PRMT3: variants seen among roughly 807,000 people sequenced by gnomAD.
PRMT3 encodes protein arginine methyltransferase 3.
In PRMT3, 62 loss-of-function variants were observed where a neutral mutation model predicts 71.9. That is an observed-to-expected ratio of 0.86 (90% CI 0.70 to 1.07). The LOEUF is 1.07. PRMT3 is among the 50% of genes least tolerant of loss of function. The pLI is 0.00. For synonymous variants in PRMT3, 213 were observed against 220.4 expected, an observed-to-expected ratio of 0.97 and a Z score of 0.30; for missense variants, 663 against 643.0, an observed-to-expected ratio of 1.03 and a Z score of -0.34.
intron 10 of PRMT3, among the ~76,000 whole-genome samples, chr11:20,448,978 G>T (rs750254256): frequency 6.6e-6 from 1 of 152,062 alleles, no homozygotes; most frequent in Non-Finnish European, 1.5e-5. Flanking sequence ...AGATGAGCGG[G>T]GCATTTGGAC....
At chr11:20,471,571 G>GTGTC (rs2133416783) in intron 13 of PRMT3, among the ~76,000 whole-genome samples, 1 of 152,228 alleles carries the variant, frequency 6.6e-6, no homozygotes, top group South Asian at 2.1e-4. Flanking sequence ...ATTGGTCTAT[G>GTGTC]TGTCTGTCCT....
At chr11:20,411,477 T>C (rs1225332010) in intron 9 of PRMT3, among the ~76,000 whole-genome samples, 2 of 152,132 alleles carry the variant, frequency 1.3e-5, no homozygotes, top group Non-Finnish European at 2.9e-5. Context: ...GATTTCCTGC[T>C]AGCTCCAAAG....
At chr11:20,426,220 A>G (rs1849542118) in intron 9 of PRMT3, among the ~76,000 whole-genome samples, 1 of 152,220 alleles carries the variant, frequency 6.6e-6, no homozygotes, top group Non-Finnish European at 1.5e-5. Flanking sequence ...TAGCTTTCAC[A>G]AGTATTTGAT....
At chr11:20,393,649 C>T (rs1399590629) in intron 5 of PRMT3, 1 of 152,148 alleles carries the variant, frequency 6.6e-6, no homozygotes, top group Non-Finnish European at 1.5e-5. Flanking sequence ...TTGAATTAGA[C>T]TGTTCTAGCA....
chr11:20,406,203 A>T (rs1849066091), intron 8 of PRMT3: 1 of 152,234 alleles, frequency 6.6e-6, no homozygotes, highest in South Asian at 2.1e-4. Context: ...ACTTTAAATC[A>T]TCTCCAGATT....
intron 7 of PRMT3, among the ~76,000 whole-genome samples, chr11:20,399,766 C>T (rs1036343090): frequency 1.3e-5 from 2 of 152,164 alleles, no homozygotes; most frequent in Non-Finnish European, 2.9e-5. Context: ...TTATCCTGGA[C>T]ACTTGTATGT....
At chr11:20,419,036 G>A (rs960579970) in intron 9 of PRMT3, among the ~76,000 whole-genome samples, 5 of 152,118 alleles carry the variant, frequency 3.3e-5, no homozygotes, top group Non-Finnish European at 5.9e-5. Context: ...CATCTGGGGG[G>A]TGTATACTTA....
At chr11:20,436,415 G>A (rs1417948440) in intron 10 of PRMT3, among the ~76,000 whole-genome samples, 1 of 152,164 alleles carries the variant, frequency 6.6e-6, no homozygotes, top group Non-Finnish European at 1.5e-5. Flanking sequence ...TATGTTGTTG[G>A]TTGTGGGTTT....
In PRMT3 at chr11:20,496,966, C is replaced by G. The variant is rs145548232; in HGVS notation, c.1486+2712C>G. Among the ~76,000 whole-genome samples the G allele has an allele frequency of 1.1e-4, 16 of 152,272 alleles. No individual in the cohort carries two copies. In the East Asian group the frequency reaches 3.1e-3, roughly 29 times the overall value. ...CAGCAAAAGTGAAATGAGGCAAACC[C>G]AAATGAGGTCCTTTAAGCCTCATTT... On this transcript the variant is annotated intron_variant, in intron 15 of 15. Transcript: ENST00000331079.
chr11:20,498,969 A>G (rs550131900), intron 15 of PRMT3, among the ~76,000 whole-genome samples: 1 of 152,346 alleles, frequency 6.6e-6, no homozygotes, highest in South Asian at 2.1e-4. Flanking sequence ...ACCAAATGGA[A>G]ACTTGGATCT....
intron 15 of PRMT3, among the ~76,000 whole-genome samples, chr11:20,503,539 T>A (rs1851507563): frequency 6.6e-6 from 1 of 152,160 alleles, no homozygotes; most frequent in South Asian, 2.1e-4. Context: ...ACCAAGACAG[T>A]CACTGATATG....
intron 13 of PRMT3, 75 bp downstream of exon 13, chr11:20,464,621 C>T: frequency 6.4e-7 from 1 of 1,574,516 alleles, no homozygotes; most frequent in Non-Finnish European, 8.6e-7. Context: ...GTTTAATTAC[C>T]AGGCTTGTGA....
chr11:20,407,041 A>T (rs1457259892), intron 8 of PRMT3: 1 of 152,200 alleles, frequency 6.6e-6, no homozygotes, highest in Non-Finnish European at 1.5e-5. Context: ...GCACAATTAT[A>T]AGGTAATTTG....
At chr11:20,394,166 A>G (rs897950461) in intron 5 of PRMT3, among the ~76,000 whole-genome samples, 5 of 152,236 alleles carry the variant, frequency 3.3e-5, no homozygotes, top group Non-Finnish European at 7.3e-5. Context: ...CATTTCTTCC[A>G]GTGCTATCCT....
chr11:20,484,023 A>C (rs1322726148), intron 13 of PRMT3, among the ~76,000 whole-genome samples: 1 of 152,208 alleles, frequency 6.6e-6, no homozygotes, highest in Non-Finnish European at 1.5e-5. Flanking sequence ...GGTTGACCAT[A>C]TCTCTTTATC....
intron 9 of PRMT3, among the ~76,000 whole-genome samples, chr11:20,424,183 CAAAA>C (rs59351768): frequency 9.0e-6 from 1 of 110,894 alleles, no homozygotes; most frequent in Non-Finnish European, 1.9e-5. Flanking sequence ...GACGCCATCT[CAAAA>C]AAAAAAAAAA....
chr11:20,391,767 C>T (rs1848721308), intron 3 of PRMT3, among the ~76,000 whole-genome samples: 1 of 152,092 alleles, frequency 6.6e-6, no homozygotes. Flanking sequence ...GATAACAAGC[C>T]TTATTGGGCT....
chr11:20,480,896 T>G (rs1370703783), intron 13 of PRMT3, among the ~76,000 whole-genome samples: 6 of 152,138 alleles, frequency 3.9e-5, no homozygotes, highest in African/African-American at 1.4e-4. Flanking sequence ...AGATGCTCAA[T>G]TATTAGTACG....
chr11:20,426,984 A>C, intron 10 of PRMT3, 119 bp downstream of exon 10: 2 of 1,360,092 alleles, frequency 1.5e-6, no homozygotes, highest in South Asian at 1.7e-5. Flanking sequence ...TTATTTTTTA[A>C]GTAGCTACAT....
Sources: gnomAD v4.1 joint callset for allele counts (sites outside exome capture counted in the v4.1 genomes callset) on GRCh38, gnomAD v4.1.1 for gene constraint, MANE v1.5 for transcripts, NCBI Gene and HGNC (gene_info 2026-07-23, HGNC 2026-07-21) for gene names.